RHCE: variants seen among roughly 807,000 people sequenced by gnomAD.
The protein encoded by RHCE is Rh blood group CcEe antigens, also known as blood group Rh(CE) polypeptide.
RHCE carries 22 observed loss-of-function variants against 43.8 expected under a neutral mutation model. The ratio of observed to expected loss-of-function variants is 0.50; its 90% CI spans 0.36 to 0.72. The LOEUF (loss-of-function observed/expected upper bound fraction) is 0.72, where lower values mean the gene tolerates loss of function less well. Ranked by LOEUF, RHCE falls within the 30% of genes least tolerant of loss-of-function variation. The pLI is 0.00. For synonymous variants in RHCE, 156 were observed against 210.7 expected (o/e 0.74, Z 2.25); for missense variants, 385 against 525.4 (o/e 0.73, Z 2.61).
intron 4 of RHCE, among the ~76,000 whole-genome samples, chr1:25,391,732 G>A (rs528519482): frequency 4.6e-5 from 7 of 152,268 alleles, no homozygotes; most frequent in Non-Finnish European, 8.8e-5. Flanking sequence ...TGAAAACAAA[G>A]GGATTGGATA....
intron 2 of RHCE, among the ~76,000 whole-genome samples, chr1:25,425,974 T>C (rs1045062098): frequency 6.6e-6 from 1 of 152,248 alleles, no homozygotes; most frequent in Non-Finnish European, 1.5e-5. Context: ...GTTCAAATTC[T>C]GGCTTTGGAA....
At chr1:25,386,862 C>T (rs991465267) in intron 6 of RHCE, among the ~76,000 whole-genome samples, 2 of 151,210 alleles carry the variant, frequency 1.3e-5, no homozygotes, top group Non-Finnish European at 2.9e-5. Flanking sequence ...CACACACACA[C>T]ACACACACAC....
intron 7 of RHCE, among the ~76,000 whole-genome samples, chr1:25,377,574 C>A (rs1645827974): frequency 6.6e-6 from 1 of 152,020 alleles, no homozygotes; most frequent in Non-Finnish European, 1.5e-5. Flanking sequence ...AAATTAAGAA[C>A]CTCCTTGTTC....
At chr1:25,429,609 C>CAGTATGACTACTATTCT (rs565386861) in intron 1 of RHCE, among the ~76,000 whole-genome samples, 1 of 152,166 alleles carries the variant, frequency 6.6e-6, no homozygotes, top group Non-Finnish European at 1.5e-5. Flanking sequence ...ATGTTAAAAA[C>CAGTATGACTACTATTCT]AGTATGACTA....
chr1:25,373,586 T>C (rs1645680960), intron 8 of RHCE, among the ~76,000 whole-genome samples: 1 of 151,720 alleles, frequency 6.6e-6, no homozygotes. Context: ...TGTACCTCCA[T>C]ACAGTTTGTT....
chr1:25,369,324 A>T (rs1645532630), intron 9 of RHCE, among the ~76,000 whole-genome samples: 1 of 151,574 alleles, frequency 6.6e-6, no homozygotes, highest in Non-Finnish European at 1.5e-5. Context: ...TGGATCTGCC[A>T]CTCACAAAGG....
chr1:25,403,456 C>T (rs1322634280), intron 2 of RHCE, among the ~76,000 whole-genome samples: 1 of 152,084 alleles, frequency 6.6e-6, no homozygotes, highest in Non-Finnish European at 1.5e-5. Flanking sequence ...CTTATTAACA[C>T]TATTACGATT....
chr1:25,414,012 T>C (rs1037746442), intron 1 of RHCE, among the ~76,000 whole-genome samples: 9 of 151,960 alleles, frequency 5.9e-5, no homozygotes, highest in Non-Finnish European at 1.2e-4. Flanking sequence ...GATGAAACAA[T>C]GCCAGCTGCT....
chr1:25,428,712 G>C (rs1171933490), intron 2 of RHCE, among the ~76,000 whole-genome samples: 2 of 152,326 alleles, frequency 1.3e-5, no homozygotes, highest in South Asian at 2.1e-4. Flanking sequence ...AAGTGGCCAA[G>C]CTAGAATTTC....
At chr1:25,403,855 G>A (rs950714713) in intron 2 of RHCE, among the ~76,000 whole-genome samples, 3 of 151,776 alleles carry the variant, frequency 2.0e-5, no homozygotes, top group African/African-American at 7.3e-5. Flanking sequence ...GCTTGTAACA[G>A]CATCACCTCT....
At chr1:25,426,696 A>G (rs1256034561) in intron 2 of RHCE, among the ~76,000 whole-genome samples, 2 of 152,194 alleles carry the variant, frequency 1.3e-5, no homozygotes, top group Non-Finnish European at 2.9e-5. Context: ...AGGATATGTG[A>G]TAAAGTGTTT....
intron 1 of RHCE, among the ~76,000 whole-genome samples, chr1:25,415,607 G>C (rs893145727): frequency 2.0e-5 from 3 of 151,766 alleles, no homozygotes; most frequent in Non-Finnish European, 4.4e-5. Context: ...AGCCAAGATC[G>C]CACCACTGCA....
intron 6 of RHCE, among the ~76,000 whole-genome samples, chr1:25,386,743 A>T (rs1293261): frequency 0.42 from 63,816 of 151,740 alleles, 14,546 homozygotes; most frequent in Non-Finnish European, 0.52. Flanking sequence ...AATGGTGTGA[A>T]CCCGGGAGGC....
intron 8 of RHCE, among the ~76,000 whole-genome samples, chr1:25,372,519 A>G (rs1298610610): frequency 3.6e-5 from 5 of 140,816 alleles, no homozygotes; most frequent in African/African-American, 1.3e-4. Context: ...AACTCCGTCT[A>G]AAAAAAAAAA....
intron 8 of RHCE, among the ~76,000 whole-genome samples, chr1:25,371,270 G>C (rs1645604726): frequency 6.6e-6 from 1 of 151,256 alleles, no homozygotes; most frequent in Admixed American, 6.6e-5. Flanking sequence ...GTCAACTCCT[G>C]GGAACCTCAG....
At chr1:25,425,613 C>T (rs530022865), upstream of RHCE, among the ~76,000 whole-genome samples, 5 of 152,214 alleles carry the variant, frequency 3.3e-5, no homozygotes, top group Non-Finnish European at 7.4e-5. Flanking sequence ...GCCTGGCAGC[C>T]TGAGTTACGG....
chr1:25,395,142 T>C (rs1571879480), intron 3 of RHCE, among the ~76,000 whole-genome samples: 1 of 142,572 alleles, frequency 7.0e-6, no homozygotes, highest in East Asian at 2.0e-4. Flanking sequence ...TTACTCCTCT[T>C]CTTGACAGCC....
At chr1:25,384,038 G>C (rs377225439) in intron 7 of RHCE, among the ~76,000 whole-genome samples, 12 of 148,726 alleles carry the variant, frequency 8.1e-5, no homozygotes, top group Middle Eastern at 3.4e-3. Context: ...TGTGGGGCTT[G>C]TTCAAACATG....
At chr1:25,396,493 C>T (rs1465964328) in intron 3 of RHCE, among the ~76,000 whole-genome samples, 1 of 152,110 alleles carries the variant, frequency 6.6e-6, no homozygotes, top group Non-Finnish European at 1.5e-5. Context: ...CCTGAGACTG[C>T]GTAATTTATA....
Sources: allele counts gnomAD v4.1 joint callset (sites outside exome capture counted in the v4.1 genomes callset), GRCh38; gene constraint gnomAD v4.1.1; transcripts MANE v1.5; gene names NCBI Gene and HGNC (gene_info 2026-07-23, HGNC 2026-07-21).